Variants in NPIPB11 observed in about 807,000 individuals in gnomAD.
The protein encoded by NPIPB11 is nuclear pore complex-interacting protein family member B11.
A neutral mutation model predicts 32.8 loss-of-function variants in NPIPB11; 17 were observed. The observed-to-expected ratio is 0.52, with a 90% CI of 0.35 to 0.78. The LOEUF is 0.78. Ranked by LOEUF, NPIPB11 falls within the 30% of genes least tolerant of loss-of-function variation. The pLI is 0.01. For missense variants in NPIPB11, 537 were observed against 1,000.4 expected (o/e 0.54, Z 6.25); for synonymous variants, 209 against 398.4 (o/e 0.52, Z 5.66).
chr16:29,402,696 CTG>C (rs1964020093), intron 2 of NPIPB11, among the ~76,000 whole-genome samples: 4 of 112,640 alleles, frequency 3.6e-5, no homozygotes, highest in Non-Finnish European at 5.7e-5. Context: ...GAGTGAAACT[CTG>C]TCTCTCTCTC....
rs1327743262 is a variant in NPIPB11 at position 29,402,738 on chromosome 16, G to GTGTC, written c.120+944_120+945insGACA. Among the ~76,000 whole-genome samples the GTGTC allele has an allele frequency of 2.1e-5, 3 of 142,478 alleles. No individual in the cohort carries two copies. The East Asian group carries it at 6.0e-4, about 28-fold the overall frequency. 93.5% of individuals were successfully genotyped at this position (142,478 alleles called of 152,430 possible). A position where few individuals can be genotyped will look rare whatever the true frequency, so the allele number is the denominator to read the frequency against. ...TCTCTCTCTCTCTGTGTGTGTGTGTGTGTGTGTGTGTGTGTGTGTGTGTGT... is the reference window on the plus strand; with the variant it reads ...TCTCTCTCTCTCTGTGTGTGTGTGTGTGTCTGTGTGTGTGTGTGTGTGTGTGTGT... On this transcript the variant is annotated intron_variant, in intron 2 of 7. Transcript: ENST00000524087.
chr16:29,394,485 A>G (rs1055448242), intron 2 of NPIPB11, among the ~76,000 whole-genome samples: 1 of 142,846 alleles, frequency 7.0e-6, no homozygotes, highest in East Asian at 2.1e-4. Flanking sequence ...CCCAGGCTGG[A>G]GTGAAGTGGT....
intron 2 of NPIPB11, among the ~76,000 whole-genome samples, chr16:29,400,287 AG>A (rs1234042980): frequency 1.3e-5 from 2 of 150,732 alleles, no homozygotes; most frequent in East Asian, 4.0e-4. Context: ...CGAACAATGG[AG>A]GTTATTCGTG....
upstream of NPIPB11, among the ~76,000 whole-genome samples, chr16:29,405,744 C>G (rs960558458): frequency 6.6e-6 from 1 of 152,084 alleles, no homozygotes; most frequent in African/African-American, 2.4e-5. Flanking sequence ...GTTCTTGTTT[C>G]AAGTCCAAGA....
At chr16:29,402,472 C>T (rs1390884589) in intron 2 of NPIPB11, among the ~76,000 whole-genome samples, 3 of 103,956 alleles carry the variant, frequency 2.9e-5, no homozygotes, top group South Asian at 3.6e-4. Flanking sequence ...TGGGAGGCCA[C>T]GGTGGGCAGA....
At position 29,393,464 on chromosome 16, in the gene NPIPB11, A is replaced by G. The variant is rs1194603023; in HGVS notation, c.249+484T>C. On this transcript the variant is annotated intron_variant, in intron 3 of 7. Coordinates refer to ENST00000524087, the Ensembl canonical transcript of NPIPB11. ...AGAAGAGGGTGCTCTTTAAGCATCAACCACCCGGCAGTTCTAGCAGTCTCA... is the reference window on the plus strand; with the variant it reads ...AGAAGAGGGTGCTCTTTAAGCATCAGCCACCCGGCAGTTCTAGCAGTCTCA... Among the ~76,000 whole-genome samples the G allele has an allele frequency of 2.0e-5, 3 of 152,116 alleles. No homozygotes were observed. In the East Asian group the frequency reaches 5.8e-4, roughly 29 times the overall value.
At chr16:29,397,132 C>G (rs2142133640) in intron 2 of NPIPB11, among the ~76,000 whole-genome samples, 1 of 148,316 alleles carries the variant, frequency 6.7e-6, no homozygotes, top group East Asian at 2.0e-4. Context: ...GATCTTGCCA[C>G]TGCACTCCAG....
intron 3 of NPIPB11, among the ~76,000 whole-genome samples, chr16:29,393,267 C>T (rs994969492): frequency 9.9e-4 from 150 of 151,596 alleles, no homozygotes; most frequent in Admixed American, 3.3e-3. Flanking sequence ...CATCATGAGA[C>T]GCAGAGCAGT....
rs540526335 is a variant in NPIPB11 at position 29,392,080 on chromosome 16, TA to T, written c.250-1733del. On this transcript the variant is annotated intron_variant, in intron 3 of 7. Coordinates refer to ENST00000524087, the Ensembl canonical transcript of NPIPB11. ...TTTTTCCTGATTTCTGCACATAGGA[TA>T]AAAAAAAAATCATGTACTAGGATTT... Among the ~76,000 whole-genome samples the T allele has an allele frequency of 2.4e-4, 35 of 148,260 alleles. 1 individual carries two copies. Among genetic ancestry groups the T allele is most frequent in the Admixed American group, 9.4e-4 (14 of 14,874 alleles).
At chr16:29,398,658 A>G (rs1002481900) in intron 2 of NPIPB11, among the ~76,000 whole-genome samples, 2 of 152,148 alleles carry the variant, frequency 1.3e-5, no homozygotes, top group South Asian at 4.2e-4. Context: ...GTCAATGATT[A>G]AAAGCTAATT....
chr16:29,389,253 T>C (rs1567271047), intron 5 of NPIPB11, among the ~76,000 whole-genome samples: 2 of 147,202 alleles, frequency 1.4e-5, no homozygotes, highest in Non-Finnish European at 3.0e-5. Flanking sequence ...TAATCCAAGC[T>C]ACTCGGGAGG....
chr16:29,393,357 C>T (rs1963768309), intron 3 of NPIPB11, among the ~76,000 whole-genome samples: 1 of 151,194 alleles, frequency 6.6e-6, no homozygotes, highest in East Asian at 1.9e-4. Context: ...ATTGTTTGTT[C>T]CTTGGCCTCT....
At position 29,394,757 on chromosome 16, in the gene NPIPB11, T is replaced by G. The variant is rs566789461; in HGVS notation, c.121-681A>C. Among the ~76,000 whole-genome samples, 3 of 151,362 alleles carry G rather than the reference T, an allele frequency of 2.0e-5. No individual in the cohort carries two copies. In the East Asian group the frequency reaches 5.9e-4, roughly 30 times the overall value. The stretch of plus-strand genomic sequence containing the variant: ...ATTTTTTTGTTTTTGTTTTTGTTTG[T>G]TTTTTTGAGATGGGGTCTCACTCTG... On this transcript the variant is annotated intron_variant, in intron 2 of 7. Coordinates refer to ENST00000524087, the Ensembl canonical transcript of NPIPB11.
upstream of NPIPB11, among the ~76,000 whole-genome samples, chr16:29,405,715 G>T (rs1220217318): frequency 1.3e-5 from 2 of 152,078 alleles, no homozygotes; most frequent in Non-Finnish European, 2.9e-5. Context: ...CACAGTCAAT[G>T]AAATTTCTAC....
chr16:29,397,435 G>T lies in NPIPB11; in HGVS notation c.121-3359C>A, dbSNP rs1045537118. ...CATGATGCCCTGGCTAGTCTTCAAC[G>T]CCTGGACTCAAGTGATCTGCCCACC... On this transcript the variant is annotated intron_variant, in intron 2 of 7. Coordinates refer to ENST00000524087, the Ensembl canonical transcript of NPIPB11. 2.0e-4 allele frequency: 192 copies of T among 962,932 alleles called. 1 individual carries two copies. Among genetic ancestry groups the T allele is most frequent in the East Asian group, 1.9e-3 (47 of 24,478 alleles). 59.6% of individuals were successfully genotyped at this position (962,932 alleles called of 1,614,324 possible). A position where few individuals can be genotyped will look rare whatever the true frequency, so the allele number is the denominator to read the frequency against.
intron 5 of NPIPB11, among the ~76,000 whole-genome samples, 140 bp downstream of exon 5, chr16:29,389,786 CAGCTTAAACTAATGA>C (rs1186705893): frequency 2.9e-4 from 44 of 149,776 alleles, no homozygotes; most frequent in Non-Finnish European, 5.9e-4. Context: ...AGGAATTATA[CAGCTTAAACTAATGA>C]AGCAGAAAGG....
chr16:29,383,621 ACG>A lies in NPIPB11; in HGVS notation c.1309_1310del (p.Arg437SerfsTer15). ...CTGAGGGTGGAAGGGGAGTGAGCTG[ACG>A]CTCAGAAGGTGTCTTGAGATTATCA... On this transcript the variant is annotated frameshift_variant, in exon 8 of 8. Coordinates refer to ENST00000524087, the Ensembl canonical transcript of NPIPB11. LOFTEE classifies it low-confidence loss of function (END_TRUNC). 5.4e-5 allele frequency: 25 copies of A among 459,372 alleles called. 3 individuals carry two copies. The highest frequency in any genetic ancestry group is 1.8e-4 in the African/African-American group (2 of 11,282). The allele number at this position is 459,372 out of a possible 1,614,324, so 28.5% of individuals were successfully genotyped here.
Position 29,394,085 on chromosome 16 carries a change from A to G in NPIPB11, c.121-9T>C, listed in dbSNP as rs778393916. 15 of 1,594,720 alleles carry G rather than the reference A, an allele frequency of 9.4e-6. No individual in the cohort carries two copies. The South Asian group carries it at 1.2e-4, about 13-fold the overall frequency. On this transcript the variant is annotated splice_polypyrimidine_tract_variant and intron_variant, in intron 2 of 7. Coordinates refer to ENST00000524087, the Ensembl canonical transcript of NPIPB11. ...GCCAGAGTATTGATAACCTGGAATA[A>G]TAATAGTTGAAATAATGAAAAGGTC... is the stretch of plus-strand genomic sequence containing the variant.
chr16:29,389,105 G>A (rs541460625), intron 5 of NPIPB11, among the ~76,000 whole-genome samples: 19 of 150,624 alleles, frequency 1.3e-4, no homozygotes, highest in African/African-American at 3.9e-4. Context: ...TGAGAGATAA[G>A]AATCGCTTGA....
Sources: gnomAD v4.1 joint callset for allele counts (sites outside exome capture counted in the v4.1 genomes callset) on GRCh38, gnomAD v4.1.1 for gene constraint, MANE v1.5 for transcripts, NCBI Gene and HGNC (gene_info 2026-07-23, HGNC 2026-07-21) for gene names.